Variants in CLGN observed in about 807,000 individuals in gnomAD.
CLGN encodes calmegin, also known as testis tissue sperm-binding protein Li 79P.
Under a neutral mutation model 79.1 loss-of-function variants are expected in CLGN, and 62 were observed. The ratio of observed to expected loss-of-function variants is 0.78; its 90% CI spans 0.64 to 0.97. The LOEUF (loss-of-function observed/expected upper bound fraction) is 0.97, where lower values mean the gene tolerates loss of function less well. Ranked by LOEUF, CLGN falls within the 50% of genes least tolerant of loss-of-function variation. The pLI is 0.00. For synonymous variants in CLGN, 225 were observed against 224.7 expected (o/e 1.00, Z -0.01); for missense variants, 647 against 715.5 (o/e 0.90, Z 1.09).
intron 12 of CLGN, 46 bp from the exon 13 acceptor site, chr4:140,392,424 T>C (rs961444622): frequency 2.6e-6 from 4 of 1,541,502 alleles, no homozygotes; most frequent in Non-Finnish European, 3.5e-6. Flanking sequence ...CAGAGTGCTA[T>C]TTTGAAAGTT....
intron 13 of CLGN, among the ~76,000 whole-genome samples, chr4:140,391,166 T>C (rs1280243155): frequency 6.6e-6 from 1 of 151,790 alleles, no homozygotes; most frequent in Admixed American, 6.6e-5. Context: ...GTCATCATTA[T>C]TAACCAAAAG....
intron 3 of CLGN, 114 bp downstream of exon 3, chr4:140,410,439 C>A: frequency 1.5e-6 from 1 of 688,156 alleles, no homozygotes; most frequent in South Asian, 1.8e-5. Flanking sequence ...GTCAATTAAA[C>A]TACTTTAAAA....
chr4:140,416,168 A>G (rs1167137369), intron 1 of CLGN, among the ~76,000 whole-genome samples: 1 of 36,752 alleles, frequency 2.7e-5, no homozygotes, highest in Non-Finnish European at 5.3e-5. Flanking sequence ...ACAAAGACAC[A>G]ACATACCAGA....
chr4:140,413,607 G>A (rs1007046719), intron 1 of CLGN, among the ~76,000 whole-genome samples: 2 of 152,186 alleles, frequency 1.3e-5, no homozygotes, highest in Non-Finnish European at 2.9e-5. Flanking sequence ...ACGGCACCTG[G>A]AAAATCGGGT....
chr4:140,404,119 T>C (rs1476421152), intron 5 of CLGN, among the ~76,000 whole-genome samples: 1 of 151,962 alleles, frequency 6.6e-6, no homozygotes, highest in African/African-American at 2.4e-5. Context: ...ACAGTCTCAC[T>C]CTGTTGCCCA....
chr4:140,405,638 C>T lies in CLGN; in HGVS notation c.419+304G>A, dbSNP rs572145587. 2.1e-4 allele frequency among the ~76,000 whole-genome samples: 32 copies of T among 152,246 alleles called. 1 individual carries two copies. The South Asian group carries it at 6.4e-3, about 31-fold the overall frequency. ...CTATTTATTCCTCATTTAGTCAATA[C>T]AAGCACTCAGACCAAAGGAAATATG... On this transcript the variant is annotated intron_variant, in intron 5 of 14. Transcript: ENST00000325617.
rs1392464870 is a variant in CLGN, at chr4:140,412,824, T to C, written c.144+111A>G. The C allele has an allele frequency of 3.1e-6, 3 of 966,902 alleles. No homozygotes were observed. The African/African-American group carries it at 5.0e-5, about 16-fold the overall frequency. 59.9% of individuals were successfully genotyped at this position (966,902 alleles called of 1,614,324 possible). ...CTTAGAAAAAAAATCAATGTTTTTCTATCTAGCTCTAAAATGAAGATTATT... is the reference window on the plus strand; with the variant it reads ...CTTAGAAAAAAAATCAATGTTTTTCCATCTAGCTCTAAAATGAAGATTATT... On this transcript the variant is annotated intron_variant, in intron 2 of 14. Transcript: ENST00000325617.
chr4:140,408,543 T>C (rs2126626634), intron 4 of CLGN, among the ~76,000 whole-genome samples: 1 of 152,000 alleles, frequency 6.6e-6, no homozygotes, highest in East Asian at 1.9e-4. Flanking sequence ...CAAAAGAAGA[T>C]ATAGAAATGG....
chr4:140,389,675 A>C (rs1728737475), intron 14 of CLGN, among the ~76,000 whole-genome samples: 1 of 151,854 alleles, frequency 6.6e-6, no homozygotes, highest in Admixed American at 6.6e-5. Flanking sequence ...TCTGGAAGAA[A>C]TTCTCTTCAC....
chr4:140,394,354 T>C (rs1452866227), intron 10 of CLGN, among the ~76,000 whole-genome samples: 1 of 152,208 alleles, frequency 6.6e-6, no homozygotes, highest in Non-Finnish European at 1.5e-5. Context: ...AGTAAAGTTA[T>C]TCATTGCAAA....
chr4:140,411,757 G>T (rs1295316747), intron 2 of CLGN, among the ~76,000 whole-genome samples: 1 of 152,058 alleles, frequency 6.6e-6, no homozygotes, highest in Non-Finnish European at 1.5e-5. Flanking sequence ...CTTCTATGAA[G>T]TTTACTGAAT....
intron 8 of CLGN, among the ~76,000 whole-genome samples, chr4:140,396,875 ATATATATATATATATG>A (rs1174492908): frequency 0.14 from 1,752 of 12,652 alleles, 53 homozygotes; most frequent in African/African-American, 0.22. Flanking sequence ...ATATATATAC[ATATATATATATATATG>A]TATATATATA....
chr4:140,390,574 A>G, intron 14 of CLGN, 54 bp downstream of exon 14: 1 of 1,279,322 alleles, frequency 7.8e-7, no homozygotes, highest in Non-Finnish European at 1.1e-6. Flanking sequence ...CTTTTATTGA[A>G]AAAACTTTTT....
At chr4:140,394,563 A>C (rs969651966) in intron 10 of CLGN, among the ~76,000 whole-genome samples, 4 of 152,206 alleles carry the variant, frequency 2.6e-5, no homozygotes, top group Non-Finnish European at 5.9e-5. Context: ...ATCATTGCTC[A>C]CTGACTCACT....
At chr4:140,395,494 A>G (rs529034579) in intron 10 of CLGN, among the ~76,000 whole-genome samples, 1 of 152,308 alleles carries the variant, frequency 6.6e-6, no homozygotes, top group African/African-American at 2.4e-5. Context: ...TTAATTAAGC[A>G]CAGGCATTAA....
chr4:140,413,342 G>A (rs1012958379), intron 1 of CLGN, among the ~76,000 whole-genome samples: 2 of 152,154 alleles, frequency 1.3e-5, no homozygotes, highest in African/African-American at 4.8e-5. Flanking sequence ...ATCTAAAGAT[G>A]GGGGGAGGAG....
intron 2 of CLGN, 21 bp downstream of exon 2, chr4:140,412,914 C>A (rs1368807486): frequency 6.2e-7 from 1 of 1,603,230 alleles, no homozygotes; most frequent in Middle Eastern, 1.7e-4. Flanking sequence ...TAATTTATAA[C>A]CCATTTCTCA....
At chr4:140,396,891 G>GTGTATA (rs1553944631) in intron 8 of CLGN, among the ~76,000 whole-genome samples, 5 of 53,662 alleles carry the variant, frequency 9.3e-5, no homozygotes, top group Non-Finnish European at 1.6e-4. Flanking sequence ...ATATATATAT[G>GTGTATA]TATATATATA....
intron 1 of CLGN, among the ~76,000 whole-genome samples, chr4:140,423,359 T>G (rs1241429684): frequency 6.6e-6 from 1 of 152,224 alleles, no homozygotes; most frequent in Non-Finnish European, 1.5e-5. Context: ...TTATGTTGAA[T>G]CATCCTTGAA....
Sources: gnomAD v4.1 joint callset for allele counts (sites outside exome capture counted in the v4.1 genomes callset) on GRCh38, gnomAD v4.1.1 for gene constraint, MANE v1.5 for transcripts, NCBI Gene and HGNC (gene_info 2026-07-23, HGNC 2026-07-21) for gene names.